Variants in ZNF678 observed in about 807,000 individuals in gnomAD.
ZNF678 encodes hypothetical protein MGC42493.
In ZNF678, 5 loss-of-function variants were observed where a neutral mutation model predicts 3.0. The observed-to-expected ratio is 1.69, with a 90% CI of 0.88 to 3.56. The LOEUF (loss-of-function observed/expected upper bound fraction) is 3.56, where lower values mean the gene tolerates loss of function less well. ZNF678 is among the 30% of genes most tolerant of loss of function. The probability of loss-of-function intolerance (pLI) is 0.00; values close to 1 mark genes in which losing one functional copy is unlikely to be tolerated. For missense variants in ZNF678, 593 were observed against 605.0 expected, an observed-to-expected ratio of 0.98 and a Z score of 0.21; for synonymous variants, 218 against 199.6, an observed-to-expected ratio of 1.09 and a Z score of -0.78.
At chr1:227,607,931 T>C (rs1029313138) in intron 1 of ZNF678, among the ~76,000 whole-genome samples, 5 of 151,322 alleles carry the variant, frequency 3.3e-5, no homozygotes, top group Admixed American at 3.3e-4. Flanking sequence ...TTTTAGTATA[T>C]AGGAAAAATT....
intron 1 of ZNF678, among the ~76,000 whole-genome samples, chr1:227,565,560 C>T (rs1235617639): frequency 1.3e-5 from 2 of 151,368 alleles, no homozygotes; most frequent in Admixed American, 6.6e-5. Context: ...GATTGGGTTT[C>T]GCTAGTTACC....
intron 1 of ZNF678, among the ~76,000 whole-genome samples, chr1:227,641,445 C>A (rs144043585): frequency 6.6e-6 from 1 of 152,068 alleles, no homozygotes; most frequent in South Asian, 2.1e-4. Context: ...TAGCAGATGA[C>A]GTGATATATG....
intron 1 of ZNF678, among the ~76,000 whole-genome samples, chr1:227,564,953 C>T (rs1348483230): frequency 6.6e-6 from 1 of 151,454 alleles, no homozygotes; most frequent in Non-Finnish European, 1.5e-5. Context: ...TCAGGCTGGT[C>T]TCCAACTCCT....
At chr1:227,629,798 C>T (rs765308208) in intron 1 of ZNF678, among the ~76,000 whole-genome samples, 10 of 152,152 alleles carry the variant, frequency 6.6e-5, no homozygotes, top group Non-Finnish European at 5.9e-5. Flanking sequence ...AAGGGGGTGG[C>T]TTATTTTTAT....
intron 1 of ZNF678, among the ~76,000 whole-genome samples, chr1:227,633,132 G>A (rs1246449361): frequency 7.2e-5 from 11 of 152,190 alleles, no homozygotes; most frequent in Non-Finnish European, 2.9e-5. Flanking sequence ...GGATCCGGAG[G>A]GGTGGAAGTC....
intron 1 of ZNF678, among the ~76,000 whole-genome samples, chr1:227,566,105 G>T (rs954031961): frequency 1.3e-5 from 2 of 152,178 alleles, no homozygotes; most frequent in Admixed American, 6.5e-5. Context: ...AATTGTCTGG[G>T]AATGGCCCAA....
In ZNF678 at chr1:227,600,156, CT is replaced by C. The variant is rs1443688760; in HGVS notation, c.-164+36433del. Among the ~76,000 whole-genome samples, 4 of 152,222 alleles carry C rather than the reference CT, an allele frequency of 2.6e-5. No individual in the cohort carries two copies. In the South Asian group the frequency reaches 8.3e-4, roughly 32 times the overall value. ...ACATGATCTCATTTTTTTTTAATGGCTGCATAGTATTACATGGCATATAGGT... is the reference window on the plus strand; with the variant it reads ...ACATGATCTCATTTTTTTTTAATGGCGCATAGTATTACATGGCATATAGGT... On this transcript the variant is annotated intron_variant, in intron 1 of 3. Transcript: ENST00000343776.
At chr1:227,573,894 G>A (rs1163539219) in intron 1 of ZNF678, among the ~76,000 whole-genome samples, 3 of 152,052 alleles carry the variant, frequency 2.0e-5, no homozygotes, top group Non-Finnish European at 4.4e-5. Context: ...TCATCATTTA[G>A]CTTCCACTTA....
chr1:227,572,081 C>T (rs1054565707), intron 1 of ZNF678, among the ~76,000 whole-genome samples: 2 of 151,976 alleles, frequency 1.3e-5, no homozygotes, highest in African/African-American at 4.8e-5. Context: ...TTTCAAGTGG[C>T]AGTTTATCCC....
chr1:227,590,683 T>C (rs1657389709), intron 1 of ZNF678, among the ~76,000 whole-genome samples: 1 of 151,870 alleles, frequency 6.6e-6, no homozygotes, highest in Admixed American at 6.6e-5. Context: ...ATAGTGCCAA[T>C]AACACAACTA....
intron 1 of ZNF678, among the ~76,000 whole-genome samples, chr1:227,601,152 G>A (rs1219347630): frequency 6.6e-6 from 1 of 152,092 alleles, no homozygotes; most frequent in Non-Finnish European, 1.5e-5. Context: ...TGCCACTTTG[G>A]TTACTGTAGC....
At chr1:227,634,872 G>C (rs1278729247) in intron 1 of ZNF678, among the ~76,000 whole-genome samples, 1 of 152,144 alleles carries the variant, frequency 6.6e-6, no homozygotes, top group African/African-American at 2.4e-5. Context: ...AGAAAACATA[G>C]GTGGTAGTAG....
At chr1:227,629,189 T>C (rs1658492427) in intron 1 of ZNF678, among the ~76,000 whole-genome samples, 1 of 152,164 alleles carries the variant, frequency 6.6e-6, no homozygotes, top group African/African-American at 2.4e-5. Flanking sequence ...GCCTCGGGTC[T>C]AAGGGGGTAC....
chr1:227,628,887 C>T (rs1007277139), intron 1 of ZNF678, among the ~76,000 whole-genome samples: 1 of 152,296 alleles, frequency 6.6e-6, no homozygotes, highest in South Asian at 2.1e-4. Context: ...GAAGGATCTT[C>T]AAAGGCAAAC....
intron 1 of ZNF678, among the ~76,000 whole-genome samples, chr1:227,583,922 C>T (rs1657195477): frequency 1.3e-5 from 2 of 152,162 alleles, no homozygotes; most frequent in Admixed American, 1.3e-4. Flanking sequence ...GGCCCAGAGA[C>T]CCATGCATCC....
chr1:227,577,367 T>C (rs185671978), intron 1 of ZNF678, among the ~76,000 whole-genome samples: 1 of 152,306 alleles, frequency 6.6e-6, no homozygotes, highest in East Asian at 1.9e-4. Context: ...TGTGTGGGAG[T>C]CTAAATTTCT....
At chr1:227,575,491 T>C (rs1177704059) in intron 1 of ZNF678, among the ~76,000 whole-genome samples, 1 of 152,184 alleles carries the variant, frequency 6.6e-6, no homozygotes, top group Non-Finnish European at 1.5e-5. Context: ...GGGATGTTAC[T>C]CTTTTTTGTG....
downstream of ZNF678, among the ~76,000 whole-genome samples, chr1:227,666,741 C>CTTTTT (rs1182440018): frequency 8.7e-6 from 1 of 115,140 alleles, no homozygotes; most frequent in African/African-American, 3.4e-5. Context: ...TTCTTTCTTG[C>CTTTTT]TTTTTTTTTT....
At chr1:227,617,740 G>C (rs1242185015) in intron 1 of ZNF678, among the ~76,000 whole-genome samples, 4 of 152,128 alleles carry the variant, frequency 2.6e-5, no homozygotes. Flanking sequence ...ATTGATGAAA[G>C]GGAATTCTGG....
Sources: gnomAD v4.1 joint callset for allele counts (sites outside exome capture counted in the v4.1 genomes callset) on GRCh38, gnomAD v4.1.1 for gene constraint, MANE v1.5 for transcripts, NCBI Gene and HGNC (gene_info 2026-07-23, HGNC 2026-07-21) for gene names.